TAX1BP1: variants seen among roughly 807,000 people sequenced by gnomAD.
The protein encoded by TAX1BP1 is tax1-binding protein 1.
Under a neutral mutation model 97.7 loss-of-function variants are expected in TAX1BP1, and 62 were observed. That is an observed-to-expected ratio of 0.63 (90% CI 0.52 to 0.78). The LOEUF (loss-of-function observed/expected upper bound fraction) is 0.78. Ranked by LOEUF, TAX1BP1 falls within the 30% of genes least tolerant of loss-of-function variation. The pLI, the probability that TAX1BP1 is intolerant of heterozygous loss-of-function variation, is 0.00. For synonymous variants in TAX1BP1, 340 were observed against 304.2 expected (o/e 1.12, Z -1.23); for missense variants, 867 against 916.1 (o/e 0.95, Z 0.69).
intron 3 of TAX1BP1, among the ~76,000 whole-genome samples, chr7:27,759,260 A>G (rs556576926): frequency 7.6e-4 from 116 of 152,310 alleles, no homozygotes; most frequent in African/African-American, 2.7e-3. Flanking sequence ...ATATTAATAC[A>G]TGTGCTTCAA....
At chr7:27,783,286 A>G (rs1025508740) in intron 5 of TAX1BP1, among the ~76,000 whole-genome samples, 3 of 152,190 alleles carry the variant, frequency 2.0e-5, no homozygotes, top group Non-Finnish European at 2.9e-5. Context: ...TTTATCTTTT[A>G]AAGTTAATTT....
At chr7:27,747,493 T>C (rs995381957) in intron 1 of TAX1BP1, among the ~76,000 whole-genome samples, 2 of 152,184 alleles carry the variant, frequency 1.3e-5, no homozygotes, top group Admixed American at 6.5e-5. Context: ...TCAGTAAACA[T>C]GTGGAAAGGG....
chr7:27,784,247 A>G (rs915390790), intron 5 of TAX1BP1, among the ~76,000 whole-genome samples: 3 of 152,166 alleles, frequency 2.0e-5, no homozygotes, highest in African/African-American at 7.2e-5. Context: ...TTGTTCTTTA[A>G]TAAAAATAAT....
At chr7:27,775,926 C>T (rs543736192) in intron 5 of TAX1BP1, among the ~76,000 whole-genome samples, 2 of 152,276 alleles carry the variant, frequency 1.3e-5, no homozygotes, top group South Asian at 4.1e-4. Flanking sequence ...CTGCCTTACA[C>T]AAGCTAGTTC....
intron 4 of TAX1BP1, among the ~76,000 whole-genome samples, chr7:27,766,981 A>G (rs939670452): frequency 6.6e-6 from 1 of 152,208 alleles, no homozygotes; most frequent in African/African-American, 2.4e-5. Flanking sequence ...TAAATAGAAT[A>G]TTGTGGAGTC....
intron 13 of TAX1BP1, among the ~76,000 whole-genome samples, chr7:27,813,948 C>T (rs1790660018): frequency 6.6e-6 from 1 of 152,036 alleles, no homozygotes; most frequent in African/African-American, 2.4e-5. Context: ...GTCAGTAAGT[C>T]CTCACTTAAC....
At chr7:27,767,131 C>G (rs552433179) in intron 4 of TAX1BP1, among the ~76,000 whole-genome samples, 161 of 151,998 alleles carry the variant, frequency 1.1e-3, no homozygotes, top group African/African-American at 3.7e-3. Context: ...TATCTTTATC[C>G]TATACCTAAA....
chr7:27,783,288 A>G (rs76687023), intron 5 of TAX1BP1, among the ~76,000 whole-genome samples: 37 of 152,330 alleles, frequency 2.4e-4, no homozygotes, highest in African/African-American at 8.4e-4. Context: ...TATCTTTTAA[A>G]GTTAATTTTT....
intron 13 of TAX1BP1, among the ~76,000 whole-genome samples, chr7:27,813,539 G>C (rs10273588): frequency 6.6e-6 from 1 of 152,028 alleles, no homozygotes; most frequent in East Asian, 1.9e-4. Context: ...ATTTCATGTA[G>C]AGAAAGGGTT....
Position 27,784,849 on chromosome 7 carries a change from G to T in TAX1BP1, c.613-314G>T, listed in dbSNP as rs186408025. On this transcript the variant is annotated intron_variant, in intron 5 of 16. Coordinates refer to ENST00000396319, the MANE Select transcript of TAX1BP1 (RefSeq NM_006024.7). Reference sequence around the variant, plus strand: ...AAAAAAAAAATTAGCCAGGCGTGGTGGTGGGTGCCTGTAGTCCCAACTACC... The same window carrying T: ...AAAAAAAAAATTAGCCAGGCGTGGTTGTGGGTGCCTGTAGTCCCAACTACC... Among the ~76,000 whole-genome samples the T allele has an allele frequency of 8.3e-3, 1,259 of 152,014 alleles. 11 individuals carry two copies. Among genetic ancestry groups the T allele is most frequent in the Non-Finnish European group, 0.012 (843 of 67,990 alleles).
chr7:27,815,672 A>G (rs528002328), intron 13 of TAX1BP1, among the ~76,000 whole-genome samples: 16 of 152,234 alleles, frequency 1.1e-4, no homozygotes, highest in Admixed American at 7.9e-4. Flanking sequence ...TTGTGTTTTG[A>G]AAGAGTTTAT....
chr7:27,786,046 G>C (rs1424233252), intron 7 of TAX1BP1, among the ~76,000 whole-genome samples: 1 of 151,900 alleles, frequency 6.6e-6, no homozygotes, highest in Non-Finnish European at 1.5e-5. Context: ...TCCCATTTTA[G>C]AGTTTGACTT....
At chr7:27,744,880 T>C (rs1787761858) in intron 1 of TAX1BP1, among the ~76,000 whole-genome samples, 1 of 152,194 alleles carries the variant, frequency 6.6e-6, no homozygotes, top group African/African-American at 2.4e-5. Flanking sequence ...AAAATTGGAA[T>C]TTAGACCAAA....
chr7:27,801,770 C>T (rs932556716), intron 13 of TAX1BP1, among the ~76,000 whole-genome samples: 3 of 152,082 alleles, frequency 2.0e-5, no homozygotes, highest in African/African-American at 4.8e-5. Flanking sequence ...TCTAAAATTA[C>T]GTAGTTGGTA....
chr7:27,762,993 CA>C (rs1788485112), intron 3 of TAX1BP1, among the ~76,000 whole-genome samples: 1 of 152,120 alleles, frequency 6.6e-6, no homozygotes, highest in Non-Finnish European at 1.5e-5. Flanking sequence ...ATATGTTTTA[CA>C]AGTTTCTGAA....
At chr7:27,757,228 C>G (rs1162922133) in intron 2 of TAX1BP1, among the ~76,000 whole-genome samples, 2 of 152,034 alleles carry the variant, frequency 1.3e-5, no homozygotes, top group African/African-American at 2.4e-5. Context: ...TTAAACATCT[C>G]CAATTTTCAA....
At chr7:27,819,087 A>C (rs1461529559) in intron 15 of TAX1BP1, among the ~76,000 whole-genome samples, 4 of 152,150 alleles carry the variant, frequency 2.6e-5, no homozygotes, top group Non-Finnish European at 5.9e-5. Context: ...TGTGTAACAA[A>C]ACCAGTTTTT....
chr7:27,796,689 C>T (rs1789946442), intron 12 of TAX1BP1, among the ~76,000 whole-genome samples: 1 of 151,940 alleles, frequency 6.6e-6, no homozygotes, highest in South Asian at 2.1e-4. Context: ...TGGTGAAACC[C>T]TGTCTGTACT....
At chr7:27,749,901 TTC>T (rs1177574781) in intron 2 of TAX1BP1, among the ~76,000 whole-genome samples, 2 of 152,136 alleles carry the variant, frequency 1.3e-5, no homozygotes, top group African/African-American at 4.8e-5. Flanking sequence ...AAGTGATCCT[TTC>T]CCCGCAGCCT....
Sources: gnomAD v4.1 joint callset for allele counts (sites outside exome capture counted in the v4.1 genomes callset) on GRCh38, gnomAD v4.1.1 for gene constraint, MANE v1.5 for transcripts, NCBI Gene and HGNC (gene_info 2026-07-23, HGNC 2026-07-21) for gene names.